Variants in DDX27 observed in about 807,000 individuals in gnomAD.
DDX27 encodes the protein probable ATP-dependent RNA helicase DDX27.
DDX27 carries 42 observed loss-of-function variants against 99.3 expected under a neutral mutation model. That is an observed-to-expected ratio of 0.42 (90% CI 0.33 to 0.55). The LOEUF (loss-of-function observed/expected upper bound fraction) is 0.55. DDX27 is among the 20% of genes least tolerant of loss of function. The pLI, the probability that DDX27 is intolerant of heterozygous loss-of-function variation, is 0.07. For synonymous variants in DDX27, 329 were observed against 353.8 expected, an observed-to-expected ratio of 0.93 and a Z score of 0.79; for missense variants, 798 against 976.8, an observed-to-expected ratio of 0.82 and a Z score of 2.44.
At chr20:49,243,380 G>A (rs1013425192) in intron 19 of DDX27, among the ~76,000 whole-genome samples, 15 of 152,190 alleles carry the variant, frequency 9.9e-5, no homozygotes, top group Non-Finnish European at 2.9e-5. Context: ...TGGGGCAGGG[G>A]CAGACTAAGC....
chr20:49,230,521 CCTCTTTTTT>C (rs1038312047), intron 9 of DDX27, among the ~76,000 whole-genome samples, 172 bp downstream of exon 9: 4 of 152,320 alleles, frequency 2.6e-5, no homozygotes, highest in Admixed American at 2.0e-4. Flanking sequence ...CCCATGTTTT[CCTCTTTTTT>C]CTCTTTCTCT....
At position 49,223,308 on chromosome 20, in the gene DDX27, A is replaced by G. The variant is rs1370482073; in HGVS notation, c.341A>G (p.Glu114Gly). Residue 114 changes from glutamate to glycine, a missense_variant, in exon 4 of 21, where the codon GAA becomes GGA. Glu to Gly is a moderately conservative substitution (Grantham distance 98). Transcript: ENST00000618172. Reference protein sequence around the residue: ...AKSGKLEKEKEAKEGSEPKEQ... With the variant: ...AKSGKLEKEKGAKEGSEPKEQ... ...TCTGGGAAGTTGGAAAAGGAGAAAGAAGCAAAGGAAGGCTCTGAACCAAAG... is the reference window on the plus strand; with the variant it reads ...TCTGGGAAGTTGGAAAAGGAGAAAGGAGCAAAGGAAGGCTCTGAACCAAAG... The G allele has an allele frequency of 6.2e-7, 1 of 1,613,518 alleles. No individual in the cohort carries two copies. The highest frequency in any genetic ancestry group is 8.5e-7 in the Non-Finnish European group (1 of 1,179,886).
At chr20:49,231,267 T>G (rs904351193) in intron 9 of DDX27, among the ~76,000 whole-genome samples, 1 of 152,120 alleles carries the variant, frequency 6.6e-6, no homozygotes, top group Non-Finnish European at 1.5e-5. Flanking sequence ...ACAGTATTCA[T>G]GAAGGGGCTA....
chr20:49,222,676 G>A (rs1458496153), intron 2 of DDX27, among the ~76,000 whole-genome samples: 2 of 151,940 alleles, frequency 1.3e-5, no homozygotes, highest in Non-Finnish European at 2.9e-5. Context: ...CACCACACCC[G>A]GCTAATTTTG....
At chr20:49,242,459 C>T in intron 18 of DDX27, 135 bp from the exon 19 acceptor site, 1 of 1,047,860 alleles carries the variant, frequency 9.5e-7, no homozygotes, top group Non-Finnish European at 1.4e-6. Flanking sequence ...CTTGGAGGAG[C>T]TGGTGAGGAC....
At position 49,233,670 on chromosome 20, in the gene DDX27, C is replaced by T. The variant is rs1193996648; in HGVS notation, c.1234C>T (p.Arg412Trp). The change falls in exon 11 of 21, where the codon CGG becomes TGG. Residue 412 changes from arginine to tryptophan, a missense_variant. Arg to Trp is a moderately radical substitution (Grantham distance 101). Coordinates refer to ENST00000618172, the MANE Select transcript of DDX27 (RefSeq NM_017895.8). ...PFLRQEFIRI[R>W]PNREGDREAI... ...CCTGCGGCAGGAGTTCATCCGGATC[C>T]GGCCTAATCGTGAAGGAGACCGGGA... 4 of 1,613,822 alleles carry T rather than the reference C, an allele frequency of 2.5e-6. No homozygotes were observed. Among genetic ancestry groups the T allele is most frequent in the African/African-American group, 1.3e-5 (1 of 74,920 alleles).
intron 4 of DDX27, 137 bp downstream of exon 4, chr20:49,223,570 TTC>T: frequency 2.7e-6 from 2 of 749,344 alleles, no homozygotes; most frequent in Non-Finnish European, 3.9e-6. Flanking sequence ...ACTCCTTTCT[TTC>T]TTTTTTTTTT....
At chr20:49,231,478 A>G (rs532451475) in intron 9 of DDX27, among the ~76,000 whole-genome samples, 1 of 152,294 alleles carries the variant, frequency 6.6e-6, no homozygotes, top group South Asian at 2.1e-4. Context: ...TCAAGTATGT[A>G]CCTCAAAAGA....
rs754195793 is a variant in DDX27 at position 49,235,043 on chromosome 20, A to C, written c.1382A>C (p.Glu461Ala). The C allele has an allele frequency of 1.2e-6, 2 of 1,613,172 alleles. No individual in the cohort carries two copies. Among genetic ancestry groups the C allele is most frequent in the Admixed American group, 1.7e-5 (1 of 59,766 alleles). Residue 461 changes from glutamate (E) to alanine (A), a missense_variant, in exon 12 of 21, where the codon GAG becomes GCG. Coordinates refer to ENST00000618172, the MANE Select transcript of DDX27 (RefSeq NM_017895.8). ...GGGCTCATGGGGCTGCAGGTGGGTG[A>C]GCTCCATGGCAACTTGTCACAGACG... ...LLGLMGLQVG[E>A]LHGNLSQTQR... is the part of the protein sequence containing the mutation.
chr20:49,244,068 G>A lies in DDX27; in HGVS notation c.*234G>A. ...TTAAATGGAAGTATTTTTGGGAAAAGAGAAACCAATCCAAGTGTATATCTT... is the reference window on the plus strand; with the variant it reads ...TTAAATGGAAGTATTTTTGGGAAAAAAGAAACCAATCCAAGTGTATATCTT... On this transcript the variant is annotated 3_prime_UTR_variant, in exon 21 of 21. Transcript: ENST00000618172. 5.0e-6 allele frequency: 3 copies of A among 594,486 alleles called. No individual in the cohort carries two copies. The highest frequency in any genetic ancestry group is 2.1e-5 in the South Asian group (1 of 48,324). 36.8% of individuals were successfully genotyped at this position (594,486 alleles called of 1,614,324 possible).
intron 14 of DDX27, 152 bp from the exon 15 acceptor site, chr20:49,238,797 A>AC: frequency 2.9e-6 from 1 of 343,260 alleles, no homozygotes; most frequent in Non-Finnish European, 5.0e-6. Flanking sequence ...TTTTGTAGAG[A>AC]CAGAGTCTGG....
intron 4 of DDX27, chr20:49,224,710 G>A (rs1011222733): frequency 3.5e-6 from 2 of 569,670 alleles, no homozygotes; most frequent in Non-Finnish European, 3.1e-6. Context: ...TCATAATACA[G>A]TGTAGTGGTC....
intron 4 of DDX27, 142 bp downstream of exon 4, chr20:49,223,575 T>TC (rs1979771744): frequency 3.5e-5 from 22 of 629,832 alleles, no homozygotes; most frequent in Non-Finnish European, 4.7e-5. Context: ...TTTCTTTCTT[T>TC]TTTTTTTTTT....
In DDX27 at chr20:49,242,620, T is replaced by A. The variant is rs1234580172; in HGVS notation, c.2143T>A (p.Ser715Thr). Residue 715 changes from serine (S) to threonine (T), a missense_variant, in exon 19 of 21, where the codon TCT (serine) becomes ACT (threonine). Ser to Thr is a moderately conservative substitution (Grantham distance 58, BLOSUM62 1). Transcript: ENST00000618172. ...CAAGAAGCAAAAGCAGGGGAAGAAA[T>A]CTGTATTTGATGAAGAACTCACCAA... ...PAKKQKQGKK[S>T]VFDEELTNTS... 6.2e-7 allele frequency: 1 copy of A among 1,614,028 alleles called. No individual in the cohort carries two copies. Among genetic ancestry groups the A allele is most frequent in the Non-Finnish European group, 8.5e-7 (1 of 1,180,010 alleles).
rs774900869 is a variant in DDX27 at position 49,242,648 on chromosome 20, C to T, written c.2171C>T (p.Thr724Ile). ...KSVFDEELTN[T>I]SKKALKQYRA... ...GTATTTGATGAAGAACTCACCAACACAAGCAAGAAGGCCCTGAAACAGTAT... is the reference window on the plus strand; with the variant it reads ...GTATTTGATGAAGAACTCACCAACATAAGCAAGAAGGCCCTGAAACAGTAT... The change falls in exon 19 of 21, where the codon ACA becomes ATA. Residue 724 changes from threonine to isoleucine, a missense_variant. Around this residue, in one of 2 missense-constraint regions of DDX27, gnomAD observed 553 missense variants for 727.9 expected, o/e 0.76. Coordinates refer to ENST00000618172, the MANE Select transcript of DDX27 (RefSeq NM_017895.8). The T allele has an allele frequency of 6.2e-7, 1 of 1,613,706 alleles. No homozygotes were observed. The highest frequency in any genetic ancestry group is 8.5e-7 in the Non-Finnish European group (1 of 1,179,964).
rs760415513 is a variant in DDX27 at position 49,236,152 on chromosome 20, G to A, written c.1430G>A (p.Arg477His). The A allele has an allele frequency of 3.4e-5, 54 of 1,609,824 alleles. No homozygotes were observed. The South Asian group carries it at 4.6e-4, about 14-fold the overall frequency. Residue 477 changes from arginine to histidine, a missense_variant and splice_region_variant, in exon 13 of 21, where the codon CGT becomes CAT. Transcript: ENST00000618172. The surrounding 1 kb of genome is among the most constrained non-coding windows in gnomAD (Gnocchi z 4.1). ...CAGCTGTTTGTGACTGTTTCTAGGC[G>A]TTTTAAGGATGAACAGATTGACATC... ...SQTQRLEALRRFKDEQIDILV... is the reference protein window; with the variant it reads ...SQTQRLEALRHFKDEQIDILV...
At position 49,225,493 on chromosome 20, in the gene DDX27, T is replaced by C. The variant is rs528027150; in HGVS notation, c.600+294T>C. 1.0e-3 allele frequency among the ~76,000 whole-genome samples: 152 copies of C among 144,848 alleles called. 3 individuals are homozygous for C. The highest frequency in any genetic ancestry group is 3.8e-3 in the African/African-American group (147 of 39,080). ...TTTTTTGAGACGGAGTCTCACTCTG[T>C]CGCCCAGGCTGGAGTGCAGTGGCAC... On this transcript the variant is annotated intron_variant, in intron 6 of 20. Transcript: ENST00000618172.
intron 8 of DDX27, among the ~76,000 whole-genome samples, chr20:49,229,806 C>A (rs571498486): frequency 9.2e-5 from 14 of 152,196 alleles, no homozygotes; most frequent in African/African-American, 3.4e-4. Context: ...CCACCATGCA[C>A]AGCTAATTTA....
Position 49,244,048 on chromosome 20 carries a change from T to C in DDX27, c.*214T>C. The C allele has an allele frequency of 1.6e-6, 1 of 611,484 alleles. No individual in the cohort carries two copies. Among genetic ancestry groups the C allele is most frequent in the Non-Finnish European group, 2.9e-6 (1 of 350,286 alleles). The allele number at this position is 611,484 out of a possible 1,614,324, so 37.9% of individuals were successfully genotyped here. A position where few individuals can be genotyped will look rare whatever the true frequency, so the allele number is the denominator to read the frequency against. On this transcript the variant is annotated 3_prime_UTR_variant, in exon 21 of 21. Transcript: ENST00000618172. ...TTAGCTTTCATATGACTATATTAAA[T>C]GGAAGTATTTTTGGGAAAAGAGAAA...
Sources: gnomAD v4.1 joint callset for allele counts (sites outside exome capture counted in the v4.1 genomes callset) on GRCh38, gnomAD v4.1.1 for gene constraint, gnomAD v4.1.1 regional missense constraint, Gnocchi (gnomAD v3.1) non-coding constraint, MANE v1.5 for transcripts, NCBI Gene and HGNC (gene_info 2026-07-23, HGNC 2026-07-21) for gene names.